PTPRG: variants seen among roughly 807,000 people sequenced by gnomAD.
PTPRG encodes the protein protein tyrosine phosphatase receptor type G, also known as receptor-type tyrosine-protein phosphatase gamma.
PTPRG carries 102 observed loss-of-function variants against 165.3 expected under a neutral mutation model. That is an observed-to-expected ratio of 0.62 (90% CI 0.53 to 0.73). The LOEUF (loss-of-function observed/expected upper bound fraction) is 0.73, where lower values mean the gene tolerates loss of function less well. Among genes scored for constraint, PTPRG ranks in the 30% least tolerant of loss-of-function variants. The pLI is 0.00. For synonymous variants in PTPRG, 675 were observed against 669.5 expected (o/e 1.01, Z -0.13); for missense variants, 1,866 against 1,861.4 (o/e 1.00, Z -0.05).
chr3:62,226,364 C>G (rs1333780252), intron 13 of PTPRG, among the ~76,000 whole-genome samples: 1 of 152,188 alleles, frequency 6.6e-6, no homozygotes, highest in Non-Finnish European at 1.5e-5. Flanking sequence ...ATAAATCATC[C>G]TTTGTTTTGG....
chr3:62,075,566 G>GAAAACTCTCCAAAA (rs1325680862), intron 4 of PTPRG, among the ~76,000 whole-genome samples: 3 of 152,152 alleles, frequency 2.0e-5, no homozygotes, highest in African/African-American at 7.2e-5. Context: ...CTCTCCAAAA[G>GAAAACTCTCCAAAA]AAAACTACCC....
chr3:61,927,128 C>T (rs1051110999), intron 2 of PTPRG, among the ~76,000 whole-genome samples: 2 of 152,206 alleles, frequency 1.3e-5, no homozygotes, highest in Non-Finnish European at 2.9e-5. Context: ...TTTCAGAATC[C>T]GCTTCTATTT....
chr3:61,562,318 A>G lies in PTPRG; in HGVS notation c.31A>G (p.Ile11Val). The change falls in exon 1 of 30, where the codon ATT becomes GTT. Residue 11 changes from isoleucine to valine, a missense_variant. Physicochemically the swap from Ile to Val is conservative, Grantham distance 29. This residue lies in a region of PTPRG where 408 missense variants were observed against 376.2 expected (regional missense o/e 1.08). Coordinates refer to ENST00000474889, the MANE Select transcript of PTPRG (RefSeq NM_002841.4). MRRLLEPCWW[I>V]LFLKITSSVL... ...GAGGTTACTGGAACCGTGTTGGTGG[A>G]TTTTGTTCCTGAAAATCACCAGTTC... 2 of 1,613,496 alleles carry G rather than the reference A, an allele frequency of 1.2e-6. No homozygotes were observed. The highest frequency in any genetic ancestry group is 1.7e-6 in the Non-Finnish European group (2 of 1,179,660).
intron 14 of PTPRG, among the ~76,000 whole-genome samples, chr3:62,238,860 G>A (rs993925816): frequency 2.0e-5 from 3 of 152,270 alleles, no homozygotes; most frequent in African/African-American, 7.2e-5. Flanking sequence ...TACTTAAAGT[G>A]TCAGAAAGAT....
At chr3:61,749,889 CT>C (rs1392368890) in intron 2 of PTPRG, 3 of 152,136 alleles carry the variant, frequency 2.0e-5, no homozygotes, top group Non-Finnish European at 4.4e-5. Flanking sequence ...TGAAAGTATT[CT>C]TTTCATAATG....
chr3:61,570,094 T>C (rs1700022333), intron 1 of PTPRG, among the ~76,000 whole-genome samples: 1 of 152,186 alleles, frequency 6.6e-6, no homozygotes, highest in African/African-American at 2.4e-5. Flanking sequence ...TCAATTTGGC[T>C]CCACTGATGG....
intron 4 of PTPRG, among the ~76,000 whole-genome samples, chr3:62,056,761 A>G (rs1032096233): frequency 5.9e-5 from 9 of 152,184 alleles, no homozygotes; most frequent in Non-Finnish European, 7.3e-5. Flanking sequence ...TTAGAAAGAG[A>G]GGAATGACAT....
In PTPRG at chr3:61,562,333, A is replaced by C; in HGVS notation, c.46A>C (p.Ile16Leu). The C allele has an allele frequency of 6.2e-7, 1 of 1,613,530 alleles. No individual in the cohort carries two copies. Among genetic ancestry groups the C allele is most frequent in the Non-Finnish European group, 8.5e-7 (1 of 1,179,678 alleles). Residue 16 changes from isoleucine to leucine, a missense_variant, in exon 1 of 30, where the codon ATC (isoleucine) becomes CTC (leucine). Around this residue, in one of 3 missense-constraint regions of PTPRG, gnomAD observed 408 missense variants for 376.2 expected, o/e 1.08. Coordinates refer to ENST00000474889, the MANE Select transcript of PTPRG (RefSeq NM_002841.4). ...GTGTTGGTGGATTTTGTTCCTGAAA[A>C]TCACCAGTTCCGTGCTCCATTATGT... ...EPCWWILFLKITSSVLHYVVC... is the reference protein window; with the variant it reads ...EPCWWILFLKLTSSVLHYVVC...
At chr3:62,019,180 C>T (rs1575895701) in intron 4 of PTPRG, among the ~76,000 whole-genome samples, 1 of 152,146 alleles carries the variant, frequency 6.6e-6, no homozygotes, top group Non-Finnish European at 1.5e-5. Context: ...CTGCGACCTC[C>T]TGAATCAGAT....
intron 2 of PTPRG, among the ~76,000 whole-genome samples, chr3:61,980,873 C>A (rs1211926758): frequency 6.6e-6 from 1 of 152,174 alleles, no homozygotes; most frequent in African/African-American, 2.4e-5. Context: ...CTTCCTTCTT[C>A]ATTCACATTC....
chr3:61,836,721 T>TTTG (rs1197129235), intron 2 of PTPRG, among the ~76,000 whole-genome samples: 19 of 143,684 alleles, frequency 1.3e-4, no homozygotes, highest in Non-Finnish European at 1.8e-4. Flanking sequence ...AACCAGTTTT[T>TTTG]TTGTTGTTGT....
chr3:62,033,850 C>A (rs987268886), intron 4 of PTPRG, among the ~76,000 whole-genome samples: 1 of 152,168 alleles, frequency 6.6e-6, no homozygotes, highest in Non-Finnish European at 1.5e-5. Flanking sequence ...TCACTGCAAC[C>A]TCTGCCTCCC....
intron 1 of PTPRG, among the ~76,000 whole-genome samples, chr3:61,568,027 T>A (rs1406673363): frequency 2.6e-5 from 4 of 151,826 alleles, no homozygotes; most frequent in Non-Finnish European, 2.9e-5. Flanking sequence ...CCATCTTACT[T>A]GGAAACAAAC....
intron 1 of PTPRG, among the ~76,000 whole-genome samples, chr3:61,624,628 T>G (rs1052773798): frequency 1.3e-5 from 2 of 152,104 alleles, no homozygotes. Context: ...CCTTATATGT[T>G]TAAGCCTCTG....
intron 2 of PTPRG, among the ~76,000 whole-genome samples, chr3:61,954,583 G>A (rs1259207898): frequency 6.6e-6 from 1 of 152,162 alleles, no homozygotes; most frequent in Non-Finnish European, 1.5e-5. Context: ...TGAAAAAATG[G>A]CACAGTATGA....
chr3:62,142,728 G>C (rs1703976310), intron 6 of PTPRG, among the ~76,000 whole-genome samples: 2 of 151,942 alleles, frequency 1.3e-5, no homozygotes, highest in South Asian at 2.1e-4. Context: ...GTATCATTAA[G>C]AGGTAACTCT....
intron 3 of PTPRG, among the ~76,000 whole-genome samples, chr3:61,999,301 C>G (rs1478226545): frequency 6.6e-6 from 1 of 152,098 alleles, no homozygotes; most frequent in South Asian, 2.1e-4. Flanking sequence ...CCCCCCTCAG[C>G]CTCCCAAAGC....
At chr3:62,247,283 G>A (rs951247637) in intron 15 of PTPRG, among the ~76,000 whole-genome samples, 8 of 152,052 alleles carry the variant, frequency 5.3e-5, no homozygotes, top group Non-Finnish European at 1.0e-4. Context: ...TCAAAGCACA[G>A]ATGCTTATAA....
chr3:61,681,272 G>A (rs368592250), intron 1 of PTPRG, among the ~76,000 whole-genome samples: 13 of 152,146 alleles, frequency 8.5e-5, no homozygotes, highest in Non-Finnish European at 1.6e-4. Context: ...TAATGCCACA[G>A]AAACTACCCA....
Sources: gnomAD v4.1 joint callset for allele counts (sites outside exome capture counted in the v4.1 genomes callset) on GRCh38, gnomAD v4.1.1 for gene constraint, gnomAD v4.1.1 regional missense constraint, MANE v1.5 for transcripts, NCBI Gene and HGNC (gene_info 2026-07-23, HGNC 2026-07-21) for gene names.